The following USH2A variants were observed in gnomAD, a reference collection of about 807,000 sequenced individuals.
USH2A encodes the protein Usher syndrome 2A (autosomal recessive, mild).
Under a neutral mutation model 538.9 loss-of-function variants are expected in USH2A, and 443 were observed. That is an observed-to-expected ratio of 0.82 (90% confidence interval 0.76 to 0.89). The LOEUF is 0.89. Ranked by LOEUF, USH2A falls within the 40% of genes least tolerant of loss-of-function variation. The probability of loss-of-function intolerance (pLI) is 0.00; values close to 1 mark genes in which losing one functional copy is unlikely to be tolerated. For missense variants in USH2A, 6,633 were observed against 6,324.8 expected (o/e 1.05, Z -1.65); for synonymous variants, 2,413 against 2,273.5 (o/e 1.06, Z -1.75).
intron 37 of USH2A, among the ~76,000 whole-genome samples, chr1:215,964,721 G>A (rs1323910860): frequency 6.6e-6 from 1 of 152,150 alleles, no homozygotes; most frequent in Admixed American, 6.6e-5. Context: ...TTATGGTAGA[G>A]TTTGCTTAAA....
chr1:216,079,770 A>G (rs12042718), intron 26 of USH2A, among the ~76,000 whole-genome samples: 80,662 of 151,982 alleles, frequency 0.53, 21,992 homozygotes, highest in East Asian at 0.87. Context: ...CAGGAAATGC[A>G]TTAGGAAATC....
intron 21 of USH2A, among the ~76,000 whole-genome samples, chr1:216,165,281 C>T (rs1338422610): frequency 1.3e-5 from 2 of 152,102 alleles, no homozygotes; most frequent in East Asian, 1.9e-4. Flanking sequence ...ATTCATTAAC[C>T]TCAAAATTTA....
chr1:215,867,114 C>T lies in USH2A; in HGVS notation c.8738G>A (p.Ser2913Asn), dbSNP rs1664492083. 7 of 1,614,112 alleles carry T rather than the reference C, an allele frequency of 4.3e-6. No homozygotes were observed. The highest frequency in any genetic ancestry group is 2.2e-5 in the East Asian group (1 of 44,882). The change falls in exon 44 of 72, where the codon AGC (serine) becomes AAC (asparagine). Residue 2913 changes from serine (S) to asparagine (N), a missense_variant. Ser to Asn is a conservative substitution (Grantham distance 46). Coordinates refer to ENST00000307340, the MANE Select transcript of USH2A (RefSeq NM_206933.4). ...FVHNSVGFTP[S>N]REVTVTTLAG... ...TAACGTTGTCACAGTCACTTCTCGG[C>T]TCGGTGTAAAACCCACACTGTTGTG...
At chr1:216,173,229 C>T (rs996085186) in intron 21 of USH2A, among the ~76,000 whole-genome samples, 6 of 152,172 alleles carry the variant, frequency 3.9e-5, no homozygotes, top group South Asian at 2.1e-4. Context: ...AGTTAGGCTT[C>T]GGTACAACTC....
chr1:216,006,578 C>T (rs1163561724), intron 32 of USH2A, among the ~76,000 whole-genome samples: 2 of 152,154 alleles, frequency 1.3e-5, no homozygotes, highest in East Asian at 3.9e-4. Context: ...CTGAAAGAGT[C>T]TAGTATAATT....
intron 55 of USH2A, among the ~76,000 whole-genome samples, chr1:215,767,568 G>T (rs1419020301): frequency 6.6e-6 from 1 of 152,152 alleles, no homozygotes; most frequent in African/African-American, 2.4e-5. Flanking sequence ...AGAATATGAT[G>T]CAGTATGGTA....
chr1:216,319,292 A>G (rs377276148), intron 9 of USH2A, among the ~76,000 whole-genome samples: 3 of 152,212 alleles, frequency 2.0e-5, no homozygotes, highest in East Asian at 3.8e-4. Flanking sequence ...TTTAAAATCT[A>G]GAACAAATAA....
chr1:216,128,542 C>A (rs1350257889), intron 21 of USH2A, among the ~76,000 whole-genome samples: 2 of 152,098 alleles, frequency 1.3e-5, no homozygotes, highest in African/African-American at 4.8e-5. Context: ...TCCTATCTAT[C>A]CTCGAAGACT....
At chr1:216,147,077 C>T (rs1385360166) in intron 21 of USH2A, among the ~76,000 whole-genome samples, 1 of 152,122 alleles carries the variant, frequency 6.6e-6, no homozygotes, top group African/African-American at 2.4e-5. Flanking sequence ...ACATCAGTCC[C>T]TTCCTAGTCT....
rs58845914 is a variant in USH2A at position 216,370,677 on chromosome 1, C to CAAAAAAAAAAAAAAAAAAA, written c.652-5611_652-5593dup. Among the ~76,000 whole-genome samples, 17 of 29,996 alleles carry CAAAAAAAAAAAAAAAAAAA rather than the reference C, an allele frequency of 5.7e-4. 3 individuals are homozygous for CAAAAAAAAAAAAAAAAAAA. The highest frequency in any genetic ancestry group is 8.9e-4 in the African/African-American group (8 of 8,978). 19.7% of individuals were successfully genotyped at this position (29,996 alleles called of 152,430 possible). A position where few individuals can be genotyped will look rare whatever the true frequency, so the allele number is the denominator to read the frequency against. The stretch of plus-strand genomic sequence containing the variant: ...TGGGGAACAGAGCCAGACTCTGTCT[C>CAAAAAAAAAAAAAAAAAAA]AAAAAAAAAAAAAAAAAAAAAAAAA... On this transcript the variant is annotated intron_variant, in intron 3 of 71. Transcript: ENST00000307340.
rs138168885 is a variant in USH2A at position 216,025,735 on chromosome 1, A to C, written c.6325+20696T>G. ...GATTTATATTTTAAAAACCATGCTT[A>C]ACTTTATAGCAATGATTCAGCTGAG... On this transcript the variant is annotated intron_variant, in intron 32 of 71. Transcript: ENST00000307340. 6.6e-5 allele frequency among the ~76,000 whole-genome samples: 10 copies of C among 152,224 alleles called. 1 individual carries two copies. Among genetic ancestry groups the C allele is most frequent in the Admixed American group, 3.9e-4 (6 of 15,274 alleles).
In USH2A at chr1:216,323,570, A is replaced by AT; in HGVS notation, c.1453dup (p.Ile485AsnfsTer13). 6.2e-7 allele frequency: 1 copy of AT among 1,613,518 alleles called. No individual in the cohort carries two copies. The highest frequency in any genetic ancestry group is 8.5e-7 in the Non-Finnish European group (1 of 1,179,750). On this transcript the variant is annotated frameshift_variant, in exon 8 of 72. Transcript: ENST00000307340. LOFTEE classifies it high-confidence loss of function. ...GTACTGCCCATGAAAATGAAACCTTATTTGCGTGGCTTTTACGAACTCTTG... is the reference window on the plus strand; with the variant it reads ...GTACTGCCCATGAAAATGAAACCTTATTTTGCGTGGCTTTTACGAACTCTTG...
At chr1:216,137,367 A>C (rs1171394320) in intron 21 of USH2A, among the ~76,000 whole-genome samples, 3 of 152,158 alleles carry the variant, frequency 2.0e-5, no homozygotes, top group African/African-American at 7.2e-5. Context: ...GGTGAAAGGC[A>C]CTTCTTACGT....
intron 20 of USH2A, among the ~76,000 whole-genome samples, chr1:216,182,852 C>T (rs1478950517): frequency 6.6e-6 from 1 of 152,048 alleles, no homozygotes; most frequent in Non-Finnish European, 1.5e-5. Flanking sequence ...CCAATAAAAA[C>T]ATGTTTGCAC....
intron 43 of USH2A, among the ~76,000 whole-genome samples, chr1:215,868,285 G>A (rs956843147): frequency 3.3e-5 from 5 of 152,180 alleles, no homozygotes; most frequent in African/African-American, 1.2e-4. Context: ...GATCCTCAGA[G>A]CATTTTACTG....
At chr1:216,105,549 G>C (rs2032710488) in intron 21 of USH2A, among the ~76,000 whole-genome samples, 1 of 151,910 alleles carries the variant, frequency 6.6e-6, no homozygotes, top group Non-Finnish European at 1.5e-5. Flanking sequence ...CTTGAAATAA[G>C]ATGGCTCAGT....
chr1:216,374,853 A>T (rs1215676546), intron 3 of USH2A, among the ~76,000 whole-genome samples: 4 of 152,076 alleles, frequency 2.6e-5, no homozygotes, highest in African/African-American at 7.2e-5. Context: ...CTCATTTTGT[A>T]CTTCCCCACC....
chr1:216,284,277 G>A (rs2036840400), intron 11 of USH2A, among the ~76,000 whole-genome samples: 1 of 152,128 alleles, frequency 6.6e-6, no homozygotes, highest in Non-Finnish European at 1.5e-5. Flanking sequence ...TGTCATGGGA[G>A]GAACCAGGTG....
rs547911150 is a variant in USH2A, at chr1:215,902,515, T to C, written c.7301-1610A>G. Among the ~76,000 whole-genome samples the C allele has an allele frequency of 4.6e-5, 7 of 152,212 alleles. No individual in the cohort carries two copies. In the South Asian group the frequency reaches 1.2e-3, roughly 27 times the overall value. ...ACTCCTGCCCCTAGGTAGCTTACAT[T>C]CAAGTGGAGGGAGCAGGTGGTAAAC... On this transcript the variant is annotated intron_variant, in intron 38 of 71. Transcript: ENST00000307340.
Sources: allele counts gnomAD v4.1 joint callset (sites outside exome capture counted in the v4.1 genomes callset), GRCh38; gene constraint gnomAD v4.1.1; transcripts MANE v1.5; gene names NCBI Gene and HGNC (gene_info 2026-07-23, HGNC 2026-07-21).